DNAJC5B: variants seen among roughly 807,000 people sequenced by gnomAD.
The protein encoded by DNAJC5B is DnaJ heat shock protein family (Hsp40) member C5 beta.
A neutral mutation model predicts 24.7 loss-of-function variants in DNAJC5B; 23 were observed. That is an observed-to-expected ratio of 0.93 (90% CI 0.67 to 1.32). The LOEUF is 1.32. Ranked by LOEUF, DNAJC5B falls within the 40% of genes most tolerant of loss-of-function variation. The pLI, the probability that DNAJC5B is intolerant of heterozygous loss-of-function variation, is 0.00. For synonymous variants in DNAJC5B, 101 were observed against 90.1 expected, an observed-to-expected ratio of 1.12 and a Z score of -0.68; for missense variants, 238 against 240.8, an observed-to-expected ratio of 0.99 and a Z score of 0.08.
At chr8:66,023,248 GTATTGGTTCA>G (rs1183524055) in intron 1 of DNAJC5B, among the ~76,000 whole-genome samples, 3 of 152,198 alleles carry the variant, frequency 2.0e-5, no homozygotes, top group African/African-American at 7.2e-5. Context: ...ATGAATGAAT[GTATTGGTTCA>G]TATTTGAACT....
At chr8:66,033,372 G>A (rs1306369722) in intron 1 of DNAJC5B, among the ~76,000 whole-genome samples, 1 of 152,234 alleles carries the variant, frequency 6.6e-6, no homozygotes, top group Admixed American at 6.5e-5. Flanking sequence ...GAAGGCCCGG[G>A]AAAGAGCTGA....
chr8:66,077,480 G>T (rs531060846), intron 4 of DNAJC5B, among the ~76,000 whole-genome samples: 1 of 152,118 alleles, frequency 6.6e-6, no homozygotes, highest in African/African-American at 2.4e-5. Flanking sequence ...ATTGACTTTC[G>T]TGTGGTAAAT....
At chr8:66,027,233 A>G (rs1806265058) in intron 1 of DNAJC5B, among the ~76,000 whole-genome samples, 1 of 152,180 alleles carries the variant, frequency 6.6e-6, no homozygotes, top group East Asian at 1.9e-4. Flanking sequence ...ACAGCCCCGG[A>G]AATCTTTGAG....
At chr8:66,067,854 C>T (rs78922468) in intron 3 of DNAJC5B, among the ~76,000 whole-genome samples, 2,622 of 152,262 alleles carry the variant, frequency 0.017, 64 homozygotes, top group African/African-American at 0.059. Context: ...ATTGTCCCCA[C>T]CAAGTTCTGC....
chr8:66,049,784 C>A (rs1003140661), intron 2 of DNAJC5B, among the ~76,000 whole-genome samples: 1 of 152,200 alleles, frequency 6.6e-6, no homozygotes, highest in African/African-American at 2.4e-5. Flanking sequence ...AGGAAGCAAT[C>A]AAAGTGAGTG....
chr8:66,078,120 T>A (rs749333096), intron 4 of DNAJC5B, among the ~76,000 whole-genome samples: 1 of 152,176 alleles, frequency 6.6e-6, no homozygotes, highest in East Asian at 1.9e-4. Flanking sequence ...ATCCACCTGA[T>A]GGCACCTCAG....
chr8:66,083,770 C>T (rs1343026114), intron 5 of DNAJC5B, among the ~76,000 whole-genome samples: 1 of 152,176 alleles, frequency 6.6e-6, no homozygotes, highest in African/African-American at 2.4e-5. Context: ...AAAAACGTAT[C>T]CCACTAAATT....
At chr8:66,086,800 A>G (rs1376212257) in intron 5 of DNAJC5B, among the ~76,000 whole-genome samples, 10 of 152,318 alleles carry the variant, frequency 6.6e-5, no homozygotes, top group Middle Eastern at 3.4e-3. Context: ...AATTTTTCAT[A>G]CATGAGCACT....
intron 1 of DNAJC5B, among the ~76,000 whole-genome samples, chr8:66,035,245 C>T (rs1806455761): frequency 6.6e-6 from 1 of 152,222 alleles, no homozygotes; most frequent in Admixed American, 6.5e-5. Context: ...ACTGCCTAGG[C>T]ATAAATAAAA....
At chr8:66,088,157 AGG>A (rs2128966077) in intron 5 of DNAJC5B, among the ~76,000 whole-genome samples, 1 of 152,264 alleles carries the variant, frequency 6.6e-6, no homozygotes, top group East Asian at 1.9e-4. Flanking sequence ...TCTGCACACC[AGG>A]AGGCCCAATA....
intron 1 of DNAJC5B, among the ~76,000 whole-genome samples, chr8:66,038,110 G>T (rs555965149): frequency 6.6e-6 from 1 of 152,298 alleles, no homozygotes; most frequent in South Asian, 2.1e-4. Context: ...GATCAAAAAG[G>T]ATATAATTGG....
chr8:66,036,584 A>T (rs1806489660), intron 1 of DNAJC5B, among the ~76,000 whole-genome samples: 1 of 152,138 alleles, frequency 6.6e-6, no homozygotes, highest in South Asian at 2.1e-4. Context: ...GCTGGGGGAC[A>T]GGCATCAGGC....
At chr8:66,099,248 G>A (rs1160188984) in intron 5 of DNAJC5B, among the ~76,000 whole-genome samples, 2 of 151,870 alleles carry the variant, frequency 1.3e-5, no homozygotes, top group Non-Finnish European at 2.9e-5. Context: ...GAACACAGAG[G>A]TATTGAAAAC....
At chr8:66,099,596 A>G (rs1380512410) in intron 5 of DNAJC5B, among the ~76,000 whole-genome samples, 1 of 152,140 alleles carries the variant, frequency 6.6e-6, no homozygotes, top group Non-Finnish European at 1.5e-5. Flanking sequence ...CCCTTTGATA[A>G]TGTTCAGTTT....
chr8:66,035,748 G>A (rs1215969367), intron 1 of DNAJC5B, among the ~76,000 whole-genome samples: 4 of 152,168 alleles, frequency 2.6e-5, no homozygotes, highest in South Asian at 4.1e-4. Context: ...GTGGTACCTC[G>A]TTACGGCAGC....
chr8:66,065,256 G>A (rs758831301), intron 3 of DNAJC5B, among the ~76,000 whole-genome samples: 6 of 152,216 alleles, frequency 3.9e-5, no homozygotes, highest in Non-Finnish European at 8.8e-5. Context: ...CAGAAAATGA[G>A]AGAACACTCA....
intron 3 of DNAJC5B, among the ~76,000 whole-genome samples, chr8:66,059,573 T>G (rs1001395416): frequency 6.6e-6 from 1 of 152,182 alleles, no homozygotes; most frequent in African/African-American, 2.4e-5. Flanking sequence ...TCAAAGCTTT[T>G]TCTCTACATA....
rs890697091 is a variant in DNAJC5B at position 66,044,864 on chromosome 8, A to G, written c.-18+1253A>G. Among the ~76,000 whole-genome samples the G allele has an allele frequency of 8.7e-4, 133 of 152,234 alleles. 4 individuals are homozygous for G. The highest frequency in any genetic ancestry group is 1.3e-4 in the Admixed American group (2 of 15,282). On this transcript the variant is annotated intron_variant, in intron 2 of 5. Coordinates refer to ENST00000276570, the MANE Select transcript of DNAJC5B (RefSeq NM_033105.6). ...AATAATAAAGACTTGAAATTTGCAT[A>G]GGAATATTATAATTCAAAAGGTTAC... is the stretch of plus-strand genomic sequence containing the variant.
chr8:66,090,957 A>G (rs1425542101), intron 5 of DNAJC5B, among the ~76,000 whole-genome samples: 1 of 152,208 alleles, frequency 6.6e-6, no homozygotes, highest in African/African-American at 2.4e-5. Flanking sequence ...AGCACCATCA[A>G]GCTCTTGGGC....
Sources: allele counts gnomAD v4.1 joint callset (sites outside exome capture counted in the v4.1 genomes callset), GRCh38; gene constraint gnomAD v4.1.1; transcripts MANE v1.5; gene names NCBI Gene and HGNC (gene_info 2026-07-23, HGNC 2026-07-21).